The following HEPH variants were observed in gnomAD, a reference collection of about 807,000 sequenced individuals.
The protein encoded by HEPH is hephaestin.
Under a neutral mutation model 80.8 loss-of-function variants are expected in HEPH, and 69 were observed. The observed-to-expected ratio is 0.85, with a 90% CI of 0.70 to 1.04. The LOEUF (loss-of-function observed/expected upper bound fraction) is 1.04. Among genes scored for constraint, HEPH ranks in the 50% least tolerant of loss-of-function variants. The probability of loss-of-function intolerance (pLI) is 0.00; values close to 1 mark genes in which losing one functional copy is unlikely to be tolerated. For synonymous variants in HEPH, 431 were observed against 322.8 expected (o/e 1.34, Z -3.60); for missense variants, 1,115 against 891.3 (o/e 1.25, Z -3.20).
At chrX:66,218,375 T>C (rs982310426) in intron 15 of HEPH, among the ~76,000 whole-genome samples, 4 of 111,917 alleles carry the variant, frequency 3.6e-5, no homozygotes, top group African/African-American at 1.3e-4. Context: ...AAAATGGGAA[T>C]TCAACTCCAA....
At chrX:66,180,689 TG>T (rs1283699307) in intron 4 of HEPH, among the ~76,000 whole-genome samples, 9 of 35,359 alleles carry the variant, frequency 2.5e-4, no homozygotes, top group Non-Finnish European at 4.0e-4. Flanking sequence ...TACAGCTGTG[TG>T]AATTTTTTTT....
chrX:66,178,391 G>A (rs2086917857), intron 4 of HEPH, among the ~76,000 whole-genome samples: 1 of 112,382 alleles, frequency 8.9e-6, no homozygotes, highest in Non-Finnish European at 1.9e-5. Flanking sequence ...TGTGAATAAT[G>A]CCGCAATAAA....
intron 18 of HEPH, 151 bp from the exon 19 acceptor site, chrX:66,259,949 G>GTAAAGT (rs761243094): frequency 2.0e-5 from 8 of 399,025 alleles, no homozygotes; most frequent in African/African-American, 1.8e-4. Context: ...GATGGTCTTG[G>GTAAAGT]TAAAGTGGAC....
chrX:66,231,078 G>A (rs1379720373), intron 15 of HEPH, among the ~76,000 whole-genome samples: 12 of 109,375 alleles, frequency 1.1e-4, no homozygotes, highest in African/African-American at 4.0e-4. Context: ...TCAAAGATCA[G>A]ATAGTTGTAG....
At chrX:66,243,854 G>A (rs1418681295) in intron 15 of HEPH, among the ~76,000 whole-genome samples, 1 of 112,244 alleles carries the variant, frequency 8.9e-6, no homozygotes, top group Non-Finnish European at 1.9e-5. Context: ...TTGTAAGCCA[G>A]GTGTGATGAT....
intron 15 of HEPH, among the ~76,000 whole-genome samples, chrX:66,226,318 A>G (rs998527739): frequency 1.8e-5 from 2 of 111,841 alleles, no homozygotes; most frequent in African/African-American, 6.5e-5. Context: ...GAAAAGTTTA[A>G]ACATTTAAAT....
At chrX:66,202,926 TATATATATATATAC>T (rs943703562) in intron 12 of HEPH, among the ~76,000 whole-genome samples, 1 of 101,830 alleles carries the variant, frequency 9.8e-6, no homozygotes, top group Non-Finnish European at 2.0e-5. Context: ...TATATATATA[TATATATATATATAC>T]ACACACACAC....
intron 3 of HEPH, among the ~76,000 whole-genome samples, chrX:66,173,070 T>A (rs1461702937): frequency 8.9e-6 from 1 of 111,891 alleles, no homozygotes; most frequent in Non-Finnish European, 1.9e-5. Context: ...CAACAGTGAG[T>A]AAGAGGAATA....
At chrX:66,241,041 C>T (rs1190785989) in intron 15 of HEPH, among the ~76,000 whole-genome samples, 1 of 111,389 alleles carries the variant, frequency 9.0e-6, no homozygotes, top group Admixed American at 9.6e-5. Context: ...AAAATATAGA[C>T]AAGCACTTAG....
intron 4 of HEPH, among the ~76,000 whole-genome samples, chrX:66,186,588 T>G (rs998065953): frequency 5.3e-5 from 6 of 112,482 alleles, no homozygotes; most frequent in African/African-American, 1.9e-4. Context: ...CACACTGGCC[T>G]GCGCCCACTG....
At chrX:66,234,297 A>T (rs984471454) in intron 15 of HEPH, among the ~76,000 whole-genome samples, 13 of 109,695 alleles carry the variant, frequency 1.2e-4, no homozygotes, top group South Asian at 7.9e-4. Flanking sequence ...TCTTTTTTTA[A>T]AAAAAAAAAT....
At chrX:66,170,494 C>T (rs752077483) in intron 1 of HEPH, 64 bp from the exon 2 acceptor site, 2 of 1,013,996 alleles carry the variant, frequency 2.0e-6, no homozygotes, top group East Asian at 3.2e-5. Context: ...GTTTTCTGGA[C>T]ACGTAGAAAG....
intron 14 of HEPH, 143 bp from the exon 15 acceptor site, chrX:66,207,972 A>ATG: frequency 2.4e-6 from 1 of 417,302 alleles, no homozygotes; most frequent in Admixed American, 4.2e-5. Context: ...GGAGCCAGCC[A>ATG]TGCCTTCTAG....
intron 8 of HEPH, 98 bp from the exon 9 acceptor site, chrX:66,195,000 C>A: frequency 1.4e-6 from 1 of 700,877 alleles, no homozygotes; most frequent in Non-Finnish European, 2.0e-6. Context: ...TTCTTCTTCA[C>A]TTTCACTTTC....
chrX:66,188,520 C>A lies in HEPH; in HGVS notation c.787C>A (p.Gln263Lys). Residue 263 changes from glutamine to lysine, a missense_variant, in exon 5 of 21, where the codon CAG (glutamine) becomes AAG (lysine). Physicochemically the swap from Gln to Lys is moderately conservative, Grantham distance 53 (BLOSUM62 1). This residue lies in a region of HEPH where 391 missense variants were observed against 343.6 expected (regional missense o/e 1.14). Coordinates refer to ENST00000343002, the MANE Select transcript of HEPH (RefSeq NM_001367233.3). ...AGTGGACAAAGAAGATGAGACATTT[C>A]AGGAGAGCAATAGGATGCATGGTGA... The part of the protein sequence containing the change: ...ASVDKEDETF[Q>K]ESNRMHAING... 8.3e-7 allele frequency: 1 copy of A among 1,208,980 alleles called. No homozygotes were observed. The highest frequency in any genetic ancestry group is 1.1e-6 in the Non-Finnish European group (1 of 894,055).
chrX:66,257,748 T>G (rs1203100721), intron 17 of HEPH, among the ~76,000 whole-genome samples: 2 of 111,984 alleles, frequency 1.8e-5, no homozygotes, highest in Non-Finnish European at 3.8e-5. Flanking sequence ...TTTAGTTTCC[T>G]CTCTGAAATC....
chrX:66,169,796 C>T (rs1407885391), intron 1 of HEPH: 1 of 111,943 alleles, frequency 8.9e-6, no homozygotes, highest in African/African-American at 3.2e-5. Context: ...TCTTCCCTTC[C>T]CAGTCACAGA....
intron 15 of HEPH, among the ~76,000 whole-genome samples, chrX:66,247,921 A>G (rs2090871981): frequency 8.9e-6 from 1 of 112,125 alleles, no homozygotes; most frequent in Non-Finnish European, 1.9e-5. Flanking sequence ...CCTCAGTTAT[A>G]TTAGCCACAT....
chrX:66,266,525 T>C lies in HEPH; in HGVS notation c.3330T>C (p.Ser1110=), dbSNP rs989741922. 8.3e-7 allele frequency: 1 copy of C among 1,209,847 alleles called. No homozygotes were observed. Among genetic ancestry groups the C allele is most frequent in the Admixed American group, 2.2e-5 (1 of 45,942 alleles). Residue 1110 remains serine (S), a synonymous_variant, in exon 21 of 21, where the codon TCT becomes TCC. Transcript: ENST00000343002. ...TAAAGAATGTTGAGATGCTGGCCTC[T>C]GTTTTGGTTGCCATTAGTGTCACCC... ...IPIKNVEMLA[S]VLVAISVTLL... is the part of the protein sequence containing the mutation.
Sources: allele counts gnomAD v4.1 joint callset (sites outside exome capture counted in the v4.1 genomes callset), GRCh38; gene constraint gnomAD v4.1.1; regional missense constraint gnomAD v4.1.1; transcripts MANE v1.5; gene names NCBI Gene and HGNC (gene_info 2026-07-23, HGNC 2026-07-21).